Variants in PKD1 observed in about 807,000 individuals in gnomAD.
PKD1 encodes the protein polycystin-1.
In PKD1, 81 loss-of-function variants were observed where a neutral mutation model predicts 361.7. The ratio of observed to expected loss-of-function variants is 0.22; its 90% CI spans 0.19 to 0.27. The LOEUF (loss-of-function observed/expected upper bound fraction) is 0.27, where lower values mean the gene tolerates loss of function less well. Among genes scored for constraint, PKD1 ranks in the 10% least tolerant of loss-of-function variants. PKD1 has a pLI of 1.00. For missense variants in PKD1, 6,399 were observed against 6,118.3 expected (o/e 1.05, Z -1.53); for synonymous variants, 3,615 against 2,818.3 (o/e 1.28, Z -8.95).
At position 2,112,651 on chromosome 16, in the gene PKD1, T is replaced by C. The variant is rs1390523692; in HGVS notation, c.3161+137A>G. 3 of 1,109,716 alleles carry C rather than the reference T, an allele frequency of 2.7e-6. No individual in the cohort carries two copies. The Admixed American group carries it at 6.0e-5, about 22-fold the overall frequency. The allele number at this position is 1,109,716 out of a possible 1,614,324, so 68.7% of individuals were successfully genotyped here. A position where few individuals can be genotyped will look rare whatever the true frequency, so the allele number is the denominator to read the frequency against. On this transcript the variant is annotated intron_variant, in intron 13 of 45. Transcript: ENST00000262304. ...CTCCCGTGCAGCCTCAGGGCTCCTG[T>C]GCACCCAGTTACCTCCCAACAGACA...
In PKD1 at chr16:2,090,409, C is replaced by T. The variant is rs760890256; in HGVS notation, c.12320G>A (p.Arg4107His). 17 of 1,612,532 alleles carry T rather than the reference C, an allele frequency of 1.1e-5. No individual in the cohort carries two copies. Among genetic ancestry groups the T allele is most frequent in the Admixed American group, 6.7e-5 (4 of 59,994 alleles). The change falls in exon 45 of 46, where the codon CGC becomes CAC. Residue 4107 changes from arginine to histidine, a missense_variant. Transcript: ENST00000262304. Reference sequence around the variant, plus strand: ...TCCACGCAAGGCGTGGTAGCGCCAGCGGAGAATAACAGCCCCCAGCCGTAG... The same window carrying T: ...TCCACGCAAGGCGTGGTAGCGCCAGTGGAGAATAACAGCCCCCAGCCGTAG... ...GALRLGAVIL[R>H]WRYHALRGEL...
chr16:2,130,220 G>A (rs1447800794), intron 1 of PKD1, among the ~76,000 whole-genome samples: 2 of 152,228 alleles, frequency 1.3e-5, no homozygotes, highest in Non-Finnish European at 2.9e-5. Context: ...GGTGAGGCCA[G>A]CTGGACATGC....
At chr16:2,125,297 C>T (rs2092782333) in intron 1 of PKD1, among the ~76,000 whole-genome samples, 1 of 152,198 alleles carries the variant, frequency 6.6e-6, no homozygotes, top group Admixed American at 6.5e-5. Flanking sequence ...CCGGCCACAA[C>T]CCTGGCCCCA....
chr16:2,118,037 G>A lies in PKD1; in HGVS notation c.955C>T (p.Pro319Ser), dbSNP rs1351409165. 1.2e-6 allele frequency: 2 copies of A among 1,601,422 alleles called. No individual in the cohort carries two copies. Among genetic ancestry groups the A allele is most frequent in the Non-Finnish European group, 1.7e-6 (2 of 1,178,466 alleles). Residue 319 changes from proline (P) to serine (S), a missense_variant, in exon 5 of 46, where the codon CCG (proline) becomes TCG (serine). Pro to Ser is a moderately conservative substitution (Grantham distance 74). Transcript: ENST00000262304. This position sits in a 1 kb window ranked among gnomAD's most constrained non-coding sequence, Gnocchi z 6.0. ...DGSAEVDAAGPAASHRYVLPG... is the reference protein window; with the variant it reads ...DGSAEVDAAGSAASHRYVLPG... ...AGCACATAGCGATGCGAGGCAGCCG[G>A]CCCAGCGGCATCCACCTCGGCGGAG...
chr16:2,133,738 G>A lies in PKD1; in HGVS notation c.215+1737C>T, dbSNP rs1276016526. Among the ~76,000 whole-genome samples, 5 of 150,992 alleles carry A rather than the reference G, an allele frequency of 3.3e-5. No homozygotes were observed. In the South Asian group the frequency reaches 1.0e-3, roughly 31 times the overall value. ...GAACAGCACCCACCTGCCCACATGA[G>A]GTCACCCTGTGCCCTGTTGCACACT... On this transcript the variant is annotated intron_variant, in intron 1 of 45. Coordinates refer to ENST00000262304, the MANE Select transcript of PKD1 (RefSeq NM_001009944.3).
chr16:2,106,579 G>T lies in PKD1; in HGVS notation c.7308C>A (p.Gly2436=). ...SAGMRLVLRR[G]VLRDGEGYTF... ...TGTATCCCTCGCCGTCCCGCAGCAC[G>T]CCCCGCCGCAGCACCAGTCGCATGC... The change falls in exon 18 of 46, where the codon GGC becomes GGA. Residue 2436 remains glycine, a synonymous_variant. Transcript: ENST00000262304. This position sits in a 1 kb window ranked among gnomAD's most constrained non-coding sequence, Gnocchi z 6.5. 6.3e-7 allele frequency: 1 copy of T among 1,596,018 alleles called. No individual in the cohort carries two copies. The highest frequency in any genetic ancestry group is 8.5e-7 in the Non-Finnish European group (1 of 1,178,418).
At chr16:2,094,339 A>G in intron 34 of PKD1, 129 bp from the exon 35 acceptor site, 1 of 705,760 alleles carries the variant, frequency 1.4e-6, no homozygotes, top group Non-Finnish European at 2.6e-6. Flanking sequence ...AAAAAGCCGG[A>G]AGACCCTACC....
chr16:2,097,344 C>T lies in PKD1; in HGVS notation c.10380G>A (p.Ser3460=), dbSNP rs369298152. 31 of 1,612,498 alleles carry T rather than the reference C, an allele frequency of 1.9e-5. No individual in the cohort carries two copies. Among genetic ancestry groups the T allele is most frequent in the African/African-American group, 1.3e-4 (10 of 74,922 alleles). The part of the protein sequence containing the change: ...EDGFSLASPY[S]PAKSFSASDE... ...CTGATGCTGAGAAGGATTTGGCAGGCGAGTAGGGGCTGGCCAGGGAGAAGC... is the reference window on the plus strand; with the variant it reads ...CTGATGCTGAGAAGGATTTGGCAGGTGAGTAGGGGCTGGCCAGGGAGAAGC... Residue 3460 remains serine (S), a synonymous_variant, in exon 33 of 46, where the codon TCG becomes TCA. Transcript: ENST00000262304.
chr16:2,095,619 G>T (rs775836812), intron 34 of PKD1, among the ~76,000 whole-genome samples: 1 of 152,198 alleles, frequency 6.6e-6, no homozygotes, highest in Non-Finnish European at 1.5e-5. Flanking sequence ...CGTGCTCTGC[G>T]TTGGGAAAGG....
At position 2,093,951 on chromosome 16, in the gene PKD1, G is replaced by A. The variant is rs1036770565; in HGVS notation, c.10681C>T (p.Leu3561Phe). 2 of 1,586,152 alleles carry A rather than the reference G, an allele frequency of 1.3e-6. No homozygotes were observed. Among genetic ancestry groups the A allele is most frequent in the African/African-American group, 2.7e-5 (2 of 74,558 alleles). The change falls in exon 36 of 46, where the codon CTC (leucine) becomes TTC (phenylalanine). Residue 3561 changes from leucine to phenylalanine, a missense_variant. Coordinates refer to ENST00000262304, the MANE Select transcript of PKD1 (RefSeq NM_001009944.3). ...PAWCASLAHGLSLLLVAVAVA... is the reference protein window; with the variant it reads ...PAWCASLAHGFSLLLVAVAVA... ...GCCACAGCCACCAGGAGCAGGCTGA[G>A]CCCGTGGGCCAGGGAGGCACACCAG... is the stretch of plus-strand genomic sequence containing the variant.
At position 2,118,082 on chromosome 16, in the gene PKD1, G is replaced by T. The variant is rs543328728; in HGVS notation, c.910C>A (p.Arg304Ser). The change falls in exon 5 of 46, where the codon CGC (arginine) becomes AGC (serine). Residue 304 changes from arginine (R) to serine (S), a missense_variant. Transcript: ENST00000262304. This position sits in a 1 kb window ranked among gnomAD's most constrained non-coding sequence, Gnocchi z 6.0. Reference protein sequence around the residue: ...IAAPLPVTATRWDFGDGSAEV... With the variant: ...IAAPLPVTATSWDFGDGSAEV... ...GCGGAGCCGTCTCCGAAGTCCCAGCGTGTGGCAGTGACAGGGAGCGGGGCA... is the reference window on the plus strand; with the variant it reads ...GCGGAGCCGTCTCCGAAGTCCCAGCTTGTGGCAGTGACAGGGAGCGGGGCA... The T allele has an allele frequency of 2.5e-6, 4 of 1,606,904 alleles. No homozygotes were observed. Among genetic ancestry groups the T allele is most frequent in the Admixed American group, 3.3e-5 (2 of 59,918 alleles).
rs2021048 is a variant in PKD1 at position 2,135,346 on chromosome 16, C to T, written c.215+129G>A. 34 of 1,067,368 alleles carry T rather than the reference C, an allele frequency of 3.2e-5. No individual in the cohort carries two copies. In the East Asian group the frequency reaches 8.2e-4, roughly 26 times the overall value. The allele number at this position is 1,067,368 out of a possible 1,614,324, so 66.1% of individuals were successfully genotyped here. On this transcript the variant is annotated intron_variant, in intron 1 of 45. Transcript: ENST00000262304. ...GGCGTTCCTTATTTAGCAGGGCCGC[C>T]GTGCCGCGCCGGAGCCTCGCCCTGG...
At chr16:2,122,176 C>T (rs1237803093) in intron 1 of PKD1, among the ~76,000 whole-genome samples, 2 of 152,262 alleles carry the variant, frequency 1.3e-5, no homozygotes, top group African/African-American at 2.4e-5. Flanking sequence ...GCACCAGCCA[C>T]GGACGGTGGA....
intron 6 of PKD1, 128 bp downstream of exon 6, chr16:2,117,361 C>T (rs906295408): frequency 8.3e-5 from 57 of 689,512 alleles, no homozygotes; most frequent in Non-Finnish European, 9.2e-5. Context: ...CACCGGCCGG[C>T]GCCACCTGCT....
At position 2,091,185 on chromosome 16, in the gene PKD1, C is replaced by G; in HGVS notation, c.11713-11G>C. ...CAGCAGCAGGCACACCTGTGGGGGG[C>G]GCGGTCAGGAGGGCGGGAGGGACGC... On this transcript the variant is annotated splice_polypyrimidine_tract_variant and intron_variant, in intron 42 of 45. Coordinates refer to ENST00000262304, the MANE Select transcript of PKD1 (RefSeq NM_001009944.3). 6 of 1,361,920 alleles carry G rather than the reference C, an allele frequency of 4.4e-6. No homozygotes were observed. The highest frequency in any genetic ancestry group is 5.6e-6 in the Non-Finnish European group (6 of 1,062,408). 84.4% of individuals were successfully genotyped at this position (1,361,920 alleles called of 1,614,324 possible).
At position 2,109,487 on chromosome 16, in the gene PKD1, C is replaced by A. The variant is rs1246121854; in HGVS notation, c.5680G>T (p.Ala1894Ser). 1 of 1,609,300 alleles carries A rather than the reference C, an allele frequency of 6.2e-7. No individual in the cohort carries two copies. Residue 1894 changes from alanine to serine, a missense_variant, in exon 15 of 46, where the codon GCC (alanine) becomes TCC (serine). Ala to Ser is a moderately conservative substitution (Grantham distance 99). Transcript: ENST00000262304. ...CCGGGCGCCACCACCTTGCTGCTGG[C>A]CCACAGCACCAGGCCCACGATGGGC... ...EEPIVGLVLW[A>S]SSKVVAPGQL...
rs764265438 is a variant in PKD1 at position 2,111,522 on chromosome 16, G to C, written c.3645C>G (p.Leu1215=). The change falls in exon 15 of 46, where the codon CTC becomes CTG. Residue 1215 remains leucine (L), a synonymous_variant. Coordinates refer to ENST00000262304, the MANE Select transcript of PKD1 (RefSeq NM_001009944.3). The stretch of plus-strand genomic sequence containing the variant: ...CCACGGCCAGGCTCATGTCCACGCT[G>C]AGTCCGCGGAGCTCCTCAAAGACGC... The part of the protein sequence containing the change: ...DVRVFEELRG[L]SVDMSLAVEQ... 6.2e-7 allele frequency: 1 copy of C among 1,607,296 alleles called. No individual in the cohort carries two copies. Among genetic ancestry groups the C allele is most frequent in the South Asian group, 1.1e-5 (1 of 90,250 alleles).
rs1282641983 is a variant in PKD1 at position 2,092,168 on chromosome 16, C to T, written c.11290G>A (p.Gly3764Ser). 14 of 1,609,028 alleles carry T rather than the reference C, an allele frequency of 8.7e-6. No homozygotes were observed. Among genetic ancestry groups the T allele is most frequent in the African/African-American group, 8.0e-5 (6 of 74,754 alleles). The part of the protein sequence containing the change: ...LQEALYPDPP[G>S]PRVHTCSAAG... The stretch of plus-strand genomic sequence containing the variant: ...GCCGAGCACGTGTGGACCCTGGGGC[C>T]GGGAGGGTCTGGGTAGAGTGCTGAA... Residue 3764 changes from glycine (G) to serine (S), a missense_variant, in exon 40 of 46, where the codon GGC becomes AGC. Transcript: ENST00000262304.
chr16:2,116,334 G>T (rs890053448), intron 8 of PKD1, among the ~76,000 whole-genome samples, 195 bp downstream of exon 8: 1 of 152,200 alleles, frequency 6.6e-6, no homozygotes, highest in African/African-American at 2.4e-5. Context: ...ACTCACACAC[G>T]CTCAGAGAAA....
Sources: allele counts gnomAD v4.1 joint callset (sites outside exome capture counted in the v4.1 genomes callset), GRCh38; gene constraint gnomAD v4.1.1; non-coding constraint Gnocchi (gnomAD v3.1); transcripts MANE v1.5; gene names NCBI Gene and HGNC (gene_info 2026-07-23, HGNC 2026-07-21).